TMC5: variants seen among roughly 807,000 people sequenced by gnomAD.
TMC5 encodes transmembrane channel-like protein 5.
Under a neutral mutation model 110.5 loss-of-function variants are expected in TMC5, and 86 were observed. The observed-to-expected ratio is 0.78, with a 90% CI of 0.65 to 0.93. TMC5 has a LOEUF of 0.93. TMC5 is among the 40% of genes least tolerant of loss of function. TMC5 has a pLI of 0.00. For missense variants in TMC5, 1,144 were observed against 1,222.8 expected (o/e 0.94, Z 0.96); for synonymous variants, 455 against 439.5 (o/e 1.04, Z -0.44).
intron 18 of TMC5, 138 bp downstream of exon 18, chr16:19,490,706 T>TTTTC: frequency 1.5e-6 from 1 of 659,060 alleles, no homozygotes; most frequent in African/African-American, 2.2e-5. Flanking sequence ...GCATAGGTAG[T>TTTTC]TTTCTTTCCT....
At chr16:19,468,148 T>C (rs1380553559) in intron 9 of TMC5, among the ~76,000 whole-genome samples, 1 of 152,026 alleles carries the variant, frequency 6.6e-6, no homozygotes, top group Non-Finnish European at 1.5e-5. Flanking sequence ...CTAATTTTTC[T>C]ATTTTTAGTA....
chr16:19,456,650 G>C, intron 5 of TMC5: 1 of 1,564,522 alleles, frequency 6.4e-7, no homozygotes, highest in Middle Eastern at 1.8e-4. Flanking sequence ...TGTGACTGCT[G>C]TATGAAGTCT....
intron 5 of TMC5, among the ~76,000 whole-genome samples, chr16:19,450,134 A>G (rs1466391019): frequency 6.6e-6 from 1 of 152,114 alleles, no homozygotes; most frequent in Non-Finnish European, 1.5e-5. Flanking sequence ...AACATATCAT[A>G]ATGGAGTTTT....
At chr16:19,416,813 G>A (rs1351178475), upstream of TMC5, among the ~76,000 whole-genome samples, 2 of 152,196 alleles carry the variant, frequency 1.3e-5, no homozygotes, top group African/African-American at 4.8e-5. Flanking sequence ...TGGCCAGGCG[G>A]CCAGATGCAG....
chr16:19,414,599 T>C (rs1966867493), upstream of TMC5, among the ~76,000 whole-genome samples: 1 of 152,144 alleles, frequency 6.6e-6, no homozygotes, highest in Non-Finnish European at 1.5e-5. Context: ...TTTGAAAAAG[T>C]TACACTGCCA....
chr16:19,427,462 AAAAT>A (rs1217053978), intron 1 of TMC5, among the ~76,000 whole-genome samples: 2 of 152,170 alleles, frequency 1.3e-5, no homozygotes, highest in Non-Finnish European at 2.9e-5. Flanking sequence ...TGAAAGAAGA[AAAAT>A]AAATAAACAA....
chr16:19,424,921 C>G (rs921893106), intron 1 of TMC5, among the ~76,000 whole-genome samples: 2 of 152,190 alleles, frequency 1.3e-5, no homozygotes, highest in African/African-American at 2.4e-5. Context: ...AGCTTCTAAC[C>G]CTGGCTTGGT....
chr16:19,490,073 T>C (rs1439907065), intron 17 of TMC5, among the ~76,000 whole-genome samples: 1 of 152,168 alleles, frequency 6.6e-6, no homozygotes, highest in Non-Finnish European at 1.5e-5. Flanking sequence ...GCATGAGCCA[T>C]AGTGCCTGGC....
At chr16:19,496,018 G>A (rs1225339485) in intron 20 of TMC5, among the ~76,000 whole-genome samples, 2 of 151,882 alleles carry the variant, frequency 1.3e-5, no homozygotes, top group Non-Finnish European at 2.9e-5. Flanking sequence ...TTAGCTGGGT[G>A]TTGTGGTGCA....
At chr16:19,445,955 C>A (rs1967604173) in intron 4 of TMC5, among the ~76,000 whole-genome samples, 1 of 151,604 alleles carries the variant, frequency 6.6e-6, no homozygotes, top group Admixed American at 6.6e-5. Context: ...GTTGAGGCTG[C>A]CGTGAGCCAT....
chr16:19,424,762 G>A (rs562784754), intron 1 of TMC5, among the ~76,000 whole-genome samples: 1 of 152,336 alleles, frequency 6.6e-6, no homozygotes, highest in Non-Finnish European at 1.5e-5. Flanking sequence ...GAGTTGGGGT[G>A]TGTCACTCTC....
chr16:19,425,178 C>T (rs1967065352), intron 1 of TMC5, among the ~76,000 whole-genome samples: 1 of 152,102 alleles, frequency 6.6e-6, no homozygotes, highest in Non-Finnish European at 1.5e-5. Flanking sequence ...CACAATATCA[C>T]AAGTAGATTA....
intron 2 of TMC5, among the ~76,000 whole-genome samples, chr16:19,436,514 T>A (rs1227881346): frequency 2.0e-5 from 3 of 152,230 alleles, no homozygotes; most frequent in Non-Finnish European, 4.4e-5. Flanking sequence ...ACAAATGCGA[T>A]AATTTTTCTT....
chr16:19,463,179 C>T (rs1339737820), intron 6 of TMC5, 101 bp from the exon 7 acceptor site: 20 of 883,860 alleles, frequency 2.3e-5, no homozygotes, highest in Admixed American at 5.8e-5. Context: ...CCTCAGCTTC[C>T]GAAGTGTTGG....
chr16:19,468,307 G>A (rs1466251523), intron 9 of TMC5, among the ~76,000 whole-genome samples: 1 of 152,098 alleles, frequency 6.6e-6, no homozygotes, highest in East Asian at 1.9e-4. Context: ...TTACTGAGTG[G>A]TGGCAAATTT....
chr16:19,470,521 G>C (rs1372961744), intron 10 of TMC5, among the ~76,000 whole-genome samples: 1 of 152,006 alleles, frequency 6.6e-6, no homozygotes, highest in Non-Finnish European at 1.5e-5. Context: ...CCCTCAGGGG[G>C]ACATTTGACA....
chr16:19,447,822 G>T (rs185648706), intron 4 of TMC5, among the ~76,000 whole-genome samples: 1 of 152,046 alleles, frequency 6.6e-6, no homozygotes, highest in African/African-American at 2.4e-5. Context: ...CCAAAGTGCC[G>T]AAATTACAGG....
chr16:19,445,254 C>A (rs541930702), intron 4 of TMC5, among the ~76,000 whole-genome samples: 1 of 148,586 alleles, frequency 6.7e-6, no homozygotes, highest in East Asian at 1.9e-4. Context: ...AAAGGAAATT[C>A]TAAACAGTTT....
chr16:19,484,780 A>AG (rs1287746139), intron 15 of TMC5, among the ~76,000 whole-genome samples: 1 of 151,902 alleles, frequency 6.6e-6, no homozygotes, highest in African/African-American at 2.4e-5. Context: ...GAAAAAAAAA[A>AG]AAAAAAGAAA....
Sources: allele counts gnomAD v4.1 joint callset (sites outside exome capture counted in the v4.1 genomes callset), GRCh38; gene constraint gnomAD v4.1.1; transcripts MANE v1.5; gene names NCBI Gene and HGNC (gene_info 2026-07-23, HGNC 2026-07-21).